COL23A1: variants seen among roughly 807,000 people sequenced by gnomAD.
The protein encoded by COL23A1 is collagen type XXIII alpha 1 chain.
A neutral mutation model predicts 99.3 loss-of-function variants in COL23A1; 97 were observed. The ratio of observed to expected loss-of-function variants is 0.98; its 90% CI spans 0.83 to 1.16. COL23A1 has a LOEUF of 1.16. Ranked by LOEUF, COL23A1 falls within the 50% of genes most tolerant of loss-of-function variation. The probability of loss-of-function intolerance (pLI) is 0.00; values close to 1 mark genes in which losing one functional copy is unlikely to be tolerated. For missense variants in COL23A1, 762 were observed against 757.4 expected (o/e 1.01, Z -0.07); for synonymous variants, 320 against 308.2 (o/e 1.04, Z -0.40).
chr5:178,508,537 T>C (rs1759008952), intron 2 of COL23A1, among the ~76,000 whole-genome samples: 1 of 152,194 alleles, frequency 6.6e-6, no homozygotes, highest in Non-Finnish European at 1.5e-5. Flanking sequence ...GGGGTGCCAC[T>C]GTGTTGCTGT....
chr5:178,373,693 G>A (rs1762919470), intron 2 of COL23A1, among the ~76,000 whole-genome samples: 1 of 152,210 alleles, frequency 6.6e-6, no homozygotes, highest in African/African-American at 2.4e-5. Context: ...TGGGATTACA[G>A]GTGTGAGCCA....
chr5:178,466,061 C>G (rs915618951), intron 2 of COL23A1, among the ~76,000 whole-genome samples: 1 of 152,188 alleles, frequency 6.6e-6, no homozygotes, highest in Non-Finnish European at 1.5e-5. Flanking sequence ...TCCTGGTGAA[C>G]GACCCCCATG....
At chr5:178,571,018 G>A (rs1408983884) in intron 1 of COL23A1, among the ~76,000 whole-genome samples, 3 of 152,070 alleles carry the variant, frequency 2.0e-5, no homozygotes, top group Non-Finnish European at 2.9e-5. Context: ...CCGGGAGAAT[G>A]CCCGATCCCA....
At chr5:178,524,332 C>T (rs1227984931) in intron 2 of COL23A1, among the ~76,000 whole-genome samples, 1 of 152,158 alleles carries the variant, frequency 6.6e-6, no homozygotes, top group East Asian at 1.9e-4. Context: ...GGAAAGAGAC[C>T]CTCTCTAGTT....
chr5:178,368,607 C>T (rs1426318283), intron 2 of COL23A1, among the ~76,000 whole-genome samples: 1 of 152,228 alleles, frequency 6.6e-6, no homozygotes, highest in African/African-American at 2.4e-5. Flanking sequence ...CCTCTCCCTC[C>T]CCACACCATA....
At chr5:178,358,531 A>T (rs1435150341) in intron 2 of COL23A1, among the ~76,000 whole-genome samples, 4 of 135,096 alleles carry the variant, frequency 3.0e-5, no homozygotes, top group East Asian at 4.4e-4. Context: ...ATGTATGTCT[A>T]GTGTGTGTAT....
rs570069184 is a variant in COL23A1, at chr5:178,284,927, G to A, written c.441+3397C>T. ...TACTAGAACCACCACCAAGATAAGA[G>A]GACTTATCTGTGAGTGGCAGAATTA... On this transcript the variant is annotated intron_variant, in intron 5 of 28. Coordinates refer to ENST00000390654, the MANE Select transcript of COL23A1 (RefSeq NM_173465.4). 1.1e-4 allele frequency among the ~76,000 whole-genome samples: 16 copies of A among 152,296 alleles called. No homozygotes were observed. In the South Asian group the frequency reaches 3.3e-3, roughly 32 times the overall value.
At chr5:178,258,394 GT>G (rs59750946) in intron 12 of COL23A1, among the ~76,000 whole-genome samples, 127 of 109,084 alleles carry the variant, frequency 1.2e-3, no homozygotes, top group East Asian at 2.7e-3. Context: ...GATGGGAGAG[GT>G]TTTTTTTTTT....
chr5:178,342,020 C>T (rs989612790), intron 2 of COL23A1, among the ~76,000 whole-genome samples: 1 of 152,142 alleles, frequency 6.6e-6, no homozygotes, highest in South Asian at 2.1e-4. Flanking sequence ...CCTCATTTAC[C>T]GCCTGTCTCC....
chr5:178,267,550 C>A (rs1156675194), intron 7 of COL23A1, among the ~76,000 whole-genome samples: 1 of 152,160 alleles, frequency 6.6e-6, no homozygotes, highest in African/African-American at 2.4e-5. Flanking sequence ...AGATCCAGGA[C>A]TTGAAGGCAG....
At chr5:178,299,649 T>A (rs1171002428) in intron 3 of COL23A1, among the ~76,000 whole-genome samples, 1 of 152,112 alleles carries the variant, frequency 6.6e-6, no homozygotes, top group Non-Finnish European at 1.5e-5. Flanking sequence ...ATTTCATTTC[T>A]TTCTACCCTG....
intron 2 of COL23A1, among the ~76,000 whole-genome samples, chr5:178,347,367 G>A (rs1388808642): frequency 2.0e-5 from 3 of 151,748 alleles, no homozygotes; most frequent in South Asian, 4.2e-4. Context: ...CCGAACAGGC[G>A]AATCCAGAGA....
chr5:178,558,632 C>T (rs1284092686), intron 2 of COL23A1, among the ~76,000 whole-genome samples: 1 of 152,002 alleles, frequency 6.6e-6, no homozygotes, highest in South Asian at 2.1e-4. Context: ...ACAAATGGGG[C>T]GTGACTCCCA....
At chr5:178,560,109 T>C (rs937914214) in intron 2 of COL23A1, among the ~76,000 whole-genome samples, 2 of 152,210 alleles carry the variant, frequency 1.3e-5, no homozygotes, top group African/African-American at 4.8e-5. Flanking sequence ...ATTTGAGCCA[T>C]GTGGATTAGA....
intron 2 of COL23A1, among the ~76,000 whole-genome samples, chr5:178,330,337 T>C (rs1405771508): frequency 2.0e-5 from 3 of 152,216 alleles, no homozygotes; most frequent in Non-Finnish European, 4.4e-5. Flanking sequence ...TCAAGCCGTC[T>C]GAAGCCTCCC....
At chr5:178,508,526 G>A (rs1759008006) in intron 2 of COL23A1, among the ~76,000 whole-genome samples, 1 of 152,176 alleles carries the variant, frequency 6.6e-6, no homozygotes, top group African/African-American at 2.4e-5. Flanking sequence ...GGAAAAGATG[G>A]GGGGTGCCAC....
At chr5:178,547,970 A>ACC (rs1232265267) in intron 2 of COL23A1, among the ~76,000 whole-genome samples, 7 of 41,782 alleles carry the variant, frequency 1.7e-4, no homozygotes, top group African/African-American at 2.5e-4. Context: ...ACCTACACCC[A>ACC]CATACCCACA....
At chr5:178,305,782 C>T (rs1758318998) in intron 3 of COL23A1, among the ~76,000 whole-genome samples, 1 of 151,838 alleles carries the variant, frequency 6.6e-6, no homozygotes, top group Non-Finnish European at 1.5e-5. Flanking sequence ...TGCAGGAGGT[C>T]ACGGCAGTGA....
At chr5:178,518,570 A>G in intron 2 of COL23A1, among the ~76,000 whole-genome samples, 1 of 143,652 alleles carries the variant, frequency 7.0e-6, no homozygotes, top group African/African-American at 2.6e-5. Flanking sequence ...GACGCTCCTC[A>G]CCTCCCAGAT....
Sources: allele counts gnomAD v4.1 joint callset (sites outside exome capture counted in the v4.1 genomes callset), GRCh38; gene constraint gnomAD v4.1.1; transcripts MANE v1.5; gene names NCBI Gene and HGNC (gene_info 2026-07-23, HGNC 2026-07-21).